Variants in RARRES2 observed in about 807,000 individuals in gnomAD.
The protein encoded by RARRES2 is retinoic acid receptor responder 2, also known as retinoic acid receptor responder protein 2.
Under a neutral mutation model 17.9 loss-of-function variants are expected in RARRES2, and 12 were observed. The ratio of observed to expected loss-of-function variants is 0.67; its 90% CI spans 0.43 to 1.08. The LOEUF is 1.08. Ranked by LOEUF, RARRES2 falls within the 50% of genes least tolerant of loss-of-function variation. The pLI is 0.00. For missense variants in RARRES2, 220 were observed against 210.1 expected, an observed-to-expected ratio of 1.05 and a Z score of -0.29; for synonymous variants, 82 against 86.8, an observed-to-expected ratio of 0.94 and a Z score of 0.31.
intron 2 of RARRES2, 104 bp downstream of exon 2, chr7:150,340,332 A>C: frequency 6.5e-7 from 1 of 1,544,374 alleles, no homozygotes; most frequent in Non-Finnish European, 8.8e-7. Context: ...TTTTCTCCAA[A>C]GGGCTGGGGC....
At chr7:150,340,836 C>A in intron 1 of RARRES2, 1 of 506,760 alleles carries the variant, frequency 2.0e-6, no homozygotes, top group Non-Finnish European at 3.4e-6. Context: ...ACCCTGCCCG[C>A]GCTGTTCCCT....
At chr7:150,340,781 T>A in intron 1 of RARRES2, 152 bp from the exon 2 acceptor site, 2 of 654,464 alleles carry the variant, frequency 3.1e-6, no homozygotes, top group Non-Finnish European at 4.9e-6. Flanking sequence ...TGGCCCTTTC[T>A]CCAAATTGAC....
In RARRES2 at chr7:150,338,390, G is replaced by T. The variant is rs548026165; in HGVS notation, c.*60C>A. On this transcript the variant is annotated 3_prime_UTR_variant, in exon 6 of 6. Transcript: ENST00000223271. ...ACGGGTTCCTCTCCCTGGGGGCTGGGGTCTTCCACTGGTTACCACCCGCAG... is the reference window on the plus strand; with the variant it reads ...ACGGGTTCCTCTCCCTGGGGGCTGGTGTCTTCCACTGGTTACCACCCGCAG... 5 of 1,500,024 alleles carry T rather than the reference G, an allele frequency of 3.3e-6. No individual in the cohort carries two copies. In the East Asian group the frequency reaches 8.0e-5, roughly 24 times the overall value. The allele number at this position is 1,500,024 out of a possible 1,614,324, so 92.9% of individuals were successfully genotyped here.
intron 2 of RARRES2, 23 bp downstream of exon 2, chr7:150,340,413 C>T (rs1416920396): frequency 2.5e-6 from 4 of 1,579,100 alleles, no homozygotes; most frequent in East Asian, 2.3e-5. Context: ...CCTCCCCGCT[C>T]CTGCCCGGGC....
At chr7:150,339,115 G>C in intron 3 of RARRES2, 34 bp from the exon 4 acceptor site, 1 of 1,542,738 alleles carries the variant, frequency 6.5e-7, no homozygotes, top group African/African-American at 1.4e-5. Context: ...GGTGAGCAGA[G>C]GAAAAGGGTG....
At position 150,339,073 on chromosome 7, in the gene RARRES2, C is replaced by T. The variant is rs747137713; in HGVS notation, c.288G>A (p.Arg96=). ...ECKVRPNGRK[R]KCLACIKLGS... ...CCAGTTTGATGCAGGCCAGGCATTT[C>T]CGTTTCCTCTGTGGGGGAGCGGGGA... Residue 96 remains arginine, a synonymous_variant, in exon 4 of 6, where the codon CGG becomes CGA. Transcript: ENST00000223271. 2 of 1,610,048 alleles carry T rather than the reference C, an allele frequency of 1.2e-6. No homozygotes were observed. The highest frequency in any genetic ancestry group is 1.7e-5 in the Admixed American group (1 of 59,988).
intron 4 of RARRES2, 107 bp from the exon 5 acceptor site, chr7:150,338,848 A>G: frequency 6.4e-7 from 1 of 1,567,930 alleles, no homozygotes; most frequent in Non-Finnish European, 8.7e-7. Context: ...AGAATGTCCA[A>G]ACAGGCACAG....
chr7:150,338,562 C>G (rs1798392850), intron 5 of RARRES2, 53 bp downstream of exon 5: 4 of 1,533,258 alleles, frequency 2.6e-6, no homozygotes, highest in African/African-American at 2.7e-5. Context: ...AGCCCCTCAG[C>G]ATTCCCAGGG....
At chr7:150,341,035 CT>C in intron 1 of RARRES2, 1 of 160,428 alleles carries the variant, frequency 6.2e-6, no homozygotes, top group Non-Finnish European at 1.4e-5. Flanking sequence ...CCGCTACTCC[CT>C]CCCCGTCCAG....
At chr7:150,338,502 TCCTCCCAGGCTTCTGACCTGTCC>T (rs1276315321) in intron 5 of RARRES2, 63 bp from the exon 6 acceptor site, 21 of 1,518,016 alleles carry the variant, frequency 1.4e-5, no homozygotes, top group Non-Finnish European at 1.9e-5. Context: ...GTCCCAGCTT[TCCTCCCAGGCTTCTGACCTGTCC>T]CCTCCCAGGC....
At chr7:150,340,036 C>T (rs1046347258) in intron 3 of RARRES2, 64 bp downstream of exon 3, 2 of 1,464,590 alleles carry the variant, frequency 1.4e-6, no homozygotes, top group African/African-American at 2.8e-5. Flanking sequence ...CCCCACACCC[C>T]AAACCCCAAG....
intron 3 of RARRES2, 113 bp downstream of exon 3, chr7:150,339,987 A>G: frequency 2.1e-6 from 2 of 958,868 alleles, no homozygotes; most frequent in Non-Finnish European, 3.3e-6. Context: ...GGGCTTCTTA[A>G]TGGACCTCCC....
At chr7:150,339,353 A>C (rs1378895217) in intron 3 of RARRES2, among the ~76,000 whole-genome samples, 3 of 152,118 alleles carry the variant, frequency 2.0e-5, no homozygotes, top group African/African-American at 7.2e-5. Context: ...CACATGCATA[A>C]ACACGCATGT....
At chr7:150,341,032 T>A (rs1798476239) in intron 1 of RARRES2, 1 of 158,732 alleles carries the variant, frequency 6.3e-6, no homozygotes, top group African/African-American at 2.4e-5. Context: ...CAACCGCTAC[T>A]CCCTCCCCGT....
At chr7:150,338,880 C>T (rs1798405440) in intron 4 of RARRES2, 106 bp downstream of exon 4, 3 of 1,540,680 alleles carry the variant, frequency 1.9e-6, no homozygotes, top group Non-Finnish European at 2.7e-6. Flanking sequence ...CCCCACTGCC[C>T]TCCCTCCTGC....
At chr7:150,340,241 C>A (rs753244675) in intron 2 of RARRES2, 37 bp from the exon 3 acceptor site, 9 of 1,605,448 alleles carry the variant, frequency 5.6e-6, no homozygotes, top group Non-Finnish European at 7.7e-6. Context: ...TGGCCGGTAG[C>A]CAGCTGAGGG....
At chr7:150,340,236 G>A (rs766618646) in intron 2 of RARRES2, 32 bp from the exon 3 acceptor site, 8 of 1,607,314 alleles carry the variant, frequency 5.0e-6, no homozygotes, top group Non-Finnish European at 5.1e-6. Context: ...GAGGATGGCC[G>A]GTAGCCAGCT....
At chr7:150,340,333 G>A (rs564100178) in intron 2 of RARRES2, 103 bp downstream of exon 2, 54 of 1,543,062 alleles carry the variant, frequency 3.5e-5, no homozygotes, top group Admixed American at 1.1e-4. Flanking sequence ...TTTCTCCAAA[G>A]GGCTGGGGCT....
chr7:150,338,684 G>T lies in RARRES2; in HGVS notation c.433C>A (p.Pro145Thr), dbSNP rs750858758. Residue 145 changes from proline to threonine, a missense_variant, in exon 5 of 6, where the codon CCC (proline) becomes ACC (threonine). Physicochemically the swap from Pro to Thr is conservative, Grantham distance 38. Coordinates refer to ENST00000223271, the MANE Select transcript of RARRES2 (RefSeq NM_002889.4). ...TGTCCAGGGAAGTAGAAGCTGTGGG[G>T]GTCCTCACCAGCCCGCTGCACCCTG... Reference protein sequence around the residue: ...CLRVQRAGEDPHSFYFPGQFA... With the variant: ...CLRVQRAGEDTHSFYFPGQFA... 15 of 1,555,668 alleles carry T rather than the reference G, an allele frequency of 9.6e-6. No individual in the cohort carries two copies. Among genetic ancestry groups the T allele is most frequent in the Admixed American group, 1.9e-5 (1 of 51,496 alleles).
Sources: allele counts gnomAD v4.1 joint callset (sites outside exome capture counted in the v4.1 genomes callset), GRCh38; gene constraint gnomAD v4.1.1; transcripts MANE v1.5; gene names NCBI Gene and HGNC (gene_info 2026-07-23, HGNC 2026-07-21).